Variants in SCHIP1 observed in about 807,000 individuals in gnomAD.
SCHIP1 encodes schwannomin interacting protein 1, also known as schwannomin-interacting protein 1.
In SCHIP1, 8 loss-of-function variants were observed where a neutral mutation model predicts 29.7. That is an observed-to-expected ratio of 0.27 (90% CI 0.16 to 0.49). SCHIP1 has a LOEUF of 0.49. Among genes scored for constraint, SCHIP1 ranks in the 20% least tolerant of loss-of-function variants. The pLI is 0.99. For missense variants in SCHIP1, 193 were observed against 294.6 expected, an observed-to-expected ratio of 0.66 and a Z score of 2.52; for synonymous variants, 76 against 94.9, an observed-to-expected ratio of 0.80 and a Z score of 1.16.
the SCHIP1 span, among the ~76,000 whole-genome samples, chr3:159,291,770 G>A: frequency 6.6e-6 from 1 of 152,036 alleles, no homozygotes; most frequent in Non-Finnish European, 1.5e-5. Context: ...TAGGAAATAT[G>A]GCAGGTGAAG....
chr3:159,600,655 T>C, the SCHIP1 span, among the ~76,000 whole-genome samples: 5 of 152,224 alleles, frequency 3.3e-5, no homozygotes, highest in Admixed American at 6.5e-5. Context: ...TATTCTGAAT[T>C]CTTTATTGGG....
the SCHIP1 span, among the ~76,000 whole-genome samples, chr3:159,571,674 T>C: frequency 6.6e-6 from 1 of 152,202 alleles, no homozygotes; most frequent in African/African-American, 2.4e-5. Flanking sequence ...TCTTTGTCTA[T>C]TGATTGGAAT....
the SCHIP1 span, among the ~76,000 whole-genome samples, chr3:159,297,006 T>C: frequency 6.6e-6 from 1 of 152,260 alleles, no homozygotes; most frequent in South Asian, 2.1e-4. Context: ...TATGTATAAA[T>C]GAGATCATGC....
At chr3:159,549,511 C>T in the SCHIP1 span, among the ~76,000 whole-genome samples, 1 of 152,064 alleles carries the variant, frequency 6.6e-6, no homozygotes, top group Non-Finnish European at 1.5e-5. Context: ...AGAAATACCA[C>T]AGAACTTGCT....
At chr3:159,631,227 A>C in the SCHIP1 span, among the ~76,000 whole-genome samples, 22 of 151,974 alleles carry the variant, frequency 1.4e-4, no homozygotes, top group Non-Finnish European at 2.6e-4. Flanking sequence ...CAAAACCCTC[A>C]TGCATTGCAG....
chr3:159,479,848 T>A, the SCHIP1 span, among the ~76,000 whole-genome samples: 1 of 152,190 alleles, frequency 6.6e-6, no homozygotes, highest in Non-Finnish European at 1.5e-5. Flanking sequence ...GCCTCTATAA[T>A]GTGCAGCTCT....
the SCHIP1 span, among the ~76,000 whole-genome samples, chr3:159,467,901 T>TCTC: frequency 1.3e-5 from 2 of 152,124 alleles, no homozygotes; most frequent in East Asian, 3.9e-4. Flanking sequence ...TCTATGCAAT[T>TCTC]CTCCTTTCCT....
At chr3:159,596,018 C>T in the SCHIP1 span, among the ~76,000 whole-genome samples, 2 of 152,186 alleles carry the variant, frequency 1.3e-5, no homozygotes, top group Non-Finnish European at 2.9e-5. Flanking sequence ...AACAGGCAAC[C>T]TACAGAATGG....
the SCHIP1 span, among the ~76,000 whole-genome samples, chr3:159,701,003 C>A: frequency 3.3e-5 from 5 of 152,078 alleles, no homozygotes; most frequent in Non-Finnish European, 5.9e-5. Context: ...GACTCAGTTT[C>A]CTCAACTTAA....
At chr3:159,718,721 C>A in the SCHIP1 span, among the ~76,000 whole-genome samples, 2 of 152,066 alleles carry the variant, frequency 1.3e-5, no homozygotes, top group South Asian at 2.1e-4. Context: ...CACTGCTCAA[C>A]GAAATAAAAG....
At chr3:159,473,675 A>G in the SCHIP1 span, among the ~76,000 whole-genome samples, 4 of 36,336 alleles carry the variant, frequency 1.1e-4, no homozygotes, top group African/African-American at 1.7e-4. Context: ...TGTAACTACG[A>G]AAAAAAAAAA....
chr3:159,275,172 A>T, the SCHIP1 span: 1 of 662,550 alleles, frequency 1.5e-6, no homozygotes, highest in Non-Finnish European at 1.9e-6. Context: ...TCCATAATTG[A>T]TGTCAGTATT....
chr3:159,435,181 T>C, the SCHIP1 span, among the ~76,000 whole-genome samples: 4 of 152,146 alleles, frequency 2.6e-5, no homozygotes, highest in African/African-American at 9.7e-5. Context: ...AGAGTTATCA[T>C]CATTTAAATG....
At chr3:159,498,754 C>T in the SCHIP1 span, among the ~76,000 whole-genome samples, 2 of 151,972 alleles carry the variant, frequency 1.3e-5, no homozygotes, top group Admixed American at 6.6e-5. Flanking sequence ...CTAGAAATTA[C>T]TAACGAAAAG....
the SCHIP1 span, among the ~76,000 whole-genome samples, chr3:159,392,620 T>C: frequency 6.6e-6 from 1 of 152,100 alleles, no homozygotes; most frequent in Non-Finnish European, 1.5e-5. Flanking sequence ...ATTTCATCCA[T>C]GTCCCTACAA....
chr3:159,412,314 G>T, the SCHIP1 span, among the ~76,000 whole-genome samples: 1 of 152,150 alleles, frequency 6.6e-6, no homozygotes, highest in Non-Finnish European at 1.5e-5. Context: ...TTGTTATGAG[G>T]ATTATTATCA....
the SCHIP1 span, among the ~76,000 whole-genome samples, chr3:159,345,114 G>A: frequency 6.6e-6 from 1 of 151,722 alleles, no homozygotes; most frequent in Non-Finnish European, 1.5e-5. Context: ...TGTAATCCCA[G>A]CTACTGGGGA....
the SCHIP1 span, among the ~76,000 whole-genome samples, chr3:159,691,104 A>T: frequency 2.0e-5 from 3 of 152,186 alleles, no homozygotes; most frequent in Non-Finnish European, 4.4e-5. Flanking sequence ...GATGTCTATT[A>T]GTTCTGCTTG....
chr3:159,769,609 G>A, the SCHIP1 span, among the ~76,000 whole-genome samples: 1 of 152,098 alleles, frequency 6.6e-6, no homozygotes, highest in Non-Finnish European at 1.5e-5. Flanking sequence ...AATTAGCCGG[G>A]CATGGTGGCG....
Sources: allele counts gnomAD v4.1 joint callset (sites outside exome capture counted in the v4.1 genomes callset), GRCh38; gene constraint gnomAD v4.1.1; transcripts MANE v1.5; gene names NCBI Gene and HGNC (gene_info 2026-07-23, HGNC 2026-07-21).